Variants in CADPS observed in about 807,000 individuals in gnomAD.
CADPS encodes the protein calcium dependent secretion activator.
CADPS carries 57 observed loss-of-function variants against 167.3 expected under a neutral mutation model. That is an observed-to-expected ratio of 0.34 (90% CI 0.28 to 0.42). The LOEUF (loss-of-function observed/expected upper bound fraction) is 0.42. CADPS is among the 20% of genes least tolerant of loss of function. The pLI is 1.00. For synonymous variants in CADPS, 676 were observed against 635.3 expected (o/e 1.06, Z -0.96); for missense variants, 1,414 against 1,738.1 (o/e 0.81, Z 3.32).
intron 3 of CADPS, among the ~76,000 whole-genome samples, chr3:62,687,271 A>G (rs1324171591): frequency 6.6e-6 from 1 of 152,080 alleles, no homozygotes; most frequent in African/African-American, 2.4e-5. Context: ...CACCACTCGA[A>G]TCAAGGAAAG....
intron 5 of CADPS, among the ~76,000 whole-genome samples, chr3:62,646,262 T>G (rs2150082214): frequency 6.6e-6 from 1 of 151,720 alleles, no homozygotes; most frequent in Non-Finnish European, 1.5e-5. Context: ...CCTCCCTGGT[T>G]CAAGCAATTC....
At chr3:62,795,874 G>T (rs1173564619) in intron 1 of CADPS, among the ~76,000 whole-genome samples, 1 of 152,168 alleles carries the variant, frequency 6.6e-6, no homozygotes, top group African/African-American at 2.4e-5. Context: ...AGGTAACAGA[G>T]TAGAGAAGAC....
chr3:62,488,534 C>T (rs150777578), intron 21 of CADPS, among the ~76,000 whole-genome samples: 34 of 151,984 alleles, frequency 2.2e-4, no homozygotes, highest in African/African-American at 8.2e-4. Flanking sequence ...CTCTGTCACC[C>T]CAGGCTGGAG....
At chr3:62,657,709 CTCTG>C in intron 4 of CADPS, among the ~76,000 whole-genome samples, 1 of 152,270 alleles carries the variant, frequency 6.6e-6, no homozygotes, top group East Asian at 1.9e-4. Context: ...GTGCAGCCGT[CTCTG>C]TCTGATGATT....
chr3:62,530,687 T>A (rs2073446275), intron 13 of CADPS: 3 of 1,288,548 alleles, frequency 2.3e-6, no homozygotes, highest in South Asian at 2.5e-5. Context: ...GGTTTTGGAA[T>A]CTTTTCTTTT....
intron 3 of CADPS, among the ~76,000 whole-genome samples, chr3:62,670,735 C>T (rs982049887): frequency 6.6e-6 from 1 of 152,108 alleles, no homozygotes; most frequent in Non-Finnish European, 1.5e-5. Flanking sequence ...TCCTGTAGTG[C>T]TCAACCAGTC....
intron 28 of CADPS, among the ~76,000 whole-genome samples, chr3:62,423,208 G>A (rs907378118): frequency 6.6e-6 from 1 of 152,144 alleles, no homozygotes. Context: ...TTAGGACCAG[G>A]GTCTGCTGGT....
intron 6 of CADPS, among the ~76,000 whole-genome samples, chr3:62,600,540 T>C (rs2059806747): frequency 6.6e-6 from 1 of 152,166 alleles, no homozygotes; most frequent in Non-Finnish European, 1.5e-5. Context: ...CTGACTAATC[T>C]AAAAGCGCCA....
intron 9 of CADPS, among the ~76,000 whole-genome samples, chr3:62,563,397 TA>T (rs1172879349): frequency 1.3e-5 from 2 of 152,216 alleles, no homozygotes. Context: ...TATTTTATCT[TA>T]TTCTGATTTA....
chr3:62,539,803 C>T (rs1037307456), intron 11 of CADPS, among the ~76,000 whole-genome samples: 3 of 152,050 alleles, frequency 2.0e-5, no homozygotes, highest in Admixed American at 1.3e-4. Flanking sequence ...TGATTGGAAA[C>T]GGCTTATTTA....
At chr3:62,610,212 T>G (rs1258068030) in intron 6 of CADPS, among the ~76,000 whole-genome samples, 1 of 151,842 alleles carries the variant, frequency 6.6e-6, no homozygotes, top group East Asian at 1.9e-4. Context: ...TTCCTTTCCC[T>G]TCTTTCTTTC....
intron 3 of CADPS, among the ~76,000 whole-genome samples, chr3:62,695,916 T>C (rs1309611394): frequency 6.6e-6 from 1 of 152,140 alleles, no homozygotes; most frequent in Non-Finnish European, 1.5e-5. Context: ...AGTTAGTATA[T>C]AAGCTTCTGA....
chr3:62,612,935 A>T (rs2061697649), intron 6 of CADPS, among the ~76,000 whole-genome samples: 1 of 152,214 alleles, frequency 6.6e-6, no homozygotes, highest in Admixed American at 6.5e-5. Flanking sequence ...CTCAGAAAGG[A>T]GTTCATAGTG....
chr3:62,513,827 T>C lies in CADPS; in HGVS notation c.2582-1059A>G. The stretch of plus-strand genomic sequence containing the variant: ...AAAATAGCCACAGAGTATTTTGGGA[T>C]AAACACAGGATAAAAGAAAAAGGAG... On this transcript the variant is annotated intron_variant, in intron 16 of 29. Transcript: ENST00000383710. 5 of 649,764 alleles carry C rather than the reference T, an allele frequency of 7.7e-6. 1 individual carries two copies. In the South Asian group the frequency reaches 9.3e-5, roughly 12 times the overall value. 40.2% of individuals were successfully genotyped at this position (649,764 alleles called of 1,614,324 possible).
intron 3 of CADPS, among the ~76,000 whole-genome samples, chr3:62,699,763 TTTGCTACG>T (rs1166520753): frequency 6.6e-6 from 1 of 151,924 alleles, no homozygotes; most frequent in African/African-American, 2.4e-5. Flanking sequence ...GAAATGGGGT[TTTGCTACG>T]TTGACCAGGC....
At chr3:62,471,914 G>T (rs191456185) in intron 24 of CADPS, among the ~76,000 whole-genome samples, 12 of 152,068 alleles carry the variant, frequency 7.9e-5, no homozygotes, top group Admixed American at 2.6e-4. Flanking sequence ...AACATATAAA[G>T]AACTCTTACA....
chr3:62,678,975 T>A (rs532842262), intron 3 of CADPS, among the ~76,000 whole-genome samples: 11 of 152,044 alleles, frequency 7.2e-5, no homozygotes, highest in African/African-American at 2.4e-4. Flanking sequence ...AAGAAACCCC[T>A]CAGGGTTCCC....
chr3:62,529,989 A>C (rs2073279209), intron 13 of CADPS, among the ~76,000 whole-genome samples: 1 of 152,230 alleles, frequency 6.6e-6, no homozygotes, highest in Non-Finnish European at 1.5e-5. Flanking sequence ...AAAGGGAAAA[A>C]GTTCACCAAT....
intron 1 of CADPS, among the ~76,000 whole-genome samples, chr3:62,853,607 C>A (rs933296041): frequency 7.3e-6 from 1 of 136,934 alleles, no homozygotes. Context: ...CCTGAGCAAC[C>A]AGAGCAAAAC....
Sources: allele counts gnomAD v4.1 joint callset (sites outside exome capture counted in the v4.1 genomes callset), GRCh38; gene constraint gnomAD v4.1.1; transcripts MANE v1.5; gene names NCBI Gene and HGNC (gene_info 2026-07-23, HGNC 2026-07-21).